DAB1: variants seen among roughly 807,000 people sequenced by gnomAD.
DAB1 encodes DAB adaptor protein 1.
DAB1 carries 15 observed loss-of-function variants against 64.6 expected under a neutral mutation model. The ratio of observed to expected loss-of-function variants is 0.23; its 90% CI spans 0.16 to 0.36. The LOEUF (loss-of-function observed/expected upper bound fraction) is 0.36. Ranked by LOEUF, DAB1 falls within the 10% of genes least tolerant of loss-of-function variation. The pLI is 1.00. For synonymous variants in DAB1, 235 were observed against 251.9 expected (o/e 0.93, Z 0.64); for missense variants, 596 against 706.7 (o/e 0.84, Z 1.78).
intron 2 of DAB1, among the ~76,000 whole-genome samples, chr1:57,275,468 G>A (rs2100607671): frequency 6.6e-6 from 1 of 152,276 alleles, no homozygotes; most frequent in African/African-American, 2.4e-5. Context: ...TTAGAAAAAT[G>A]TATTTTTAGC....
At chr1:57,297,425 C>T (rs1345637591) in intron 1 of DAB1, among the ~76,000 whole-genome samples, 1 of 151,954 alleles carries the variant, frequency 6.6e-6, no homozygotes, top group Non-Finnish European at 1.5e-5. Flanking sequence ...ACTAAATATT[C>T]AGGAGTAAAG....
intron 1 of DAB1, among the ~76,000 whole-genome samples, chr1:57,395,695 T>A (rs1236918495): frequency 6.6e-6 from 1 of 152,076 alleles, no homozygotes; most frequent in Non-Finnish European, 1.5e-5. Context: ...GCTGGACTTT[T>A]TAATTAATTT....
At chr1:57,738,565 G>C (rs3118037) in intron 6 of DAB1, among the ~76,000 whole-genome samples, 1 of 151,700 alleles carries the variant, frequency 6.6e-6, no homozygotes, top group African/African-American at 2.4e-5. Context: ...TTGTGTGTAA[G>C]TCTATCAGTC....
Position 57,669,927 on chromosome 1 carries a change from TA to T in DAB1, n.552-20263del, listed in dbSNP as rs376641729. 2.2e-3 allele frequency among the ~76,000 whole-genome samples: 328 copies of T among 152,308 alleles called. 4 individuals are homozygous for T. The highest frequency in any genetic ancestry group is 7.7e-3 in the African/African-American group (319 of 41,568). On this transcript the variant is annotated intron_variant and non_coding_transcript_variant, in intron 6 of 20. Coordinates refer to the DAB1 transcript ENST00000485760. ...CAGGATTTACTAGAACTGAAATCTT[TA>T]AGACAATCTTTGCTTCATAACAAAT...
chr1:57,347,409 T>G (rs1678201862), intron 1 of DAB1, among the ~76,000 whole-genome samples: 1 of 152,216 alleles, frequency 6.6e-6, no homozygotes, highest in Non-Finnish European at 1.5e-5. Flanking sequence ...ATTTCTATGA[T>G]CTCTTCCCGT....
chr1:57,931,663 T>A (rs1333598590), intron 5 of DAB1, among the ~76,000 whole-genome samples: 1 of 152,224 alleles, frequency 6.6e-6, no homozygotes, highest in Non-Finnish European at 1.5e-5. Context: ...TCTGTTGTTA[T>A]CCTTTTAATG....
At chr1:57,348,278 C>T (rs988743166) in intron 1 of DAB1, among the ~76,000 whole-genome samples, 6 of 152,124 alleles carry the variant, frequency 3.9e-5, no homozygotes, top group Non-Finnish European at 7.3e-5. Context: ...ACTGATAAAG[C>T]AAGTCCACTA....
intron 5 of DAB1, among the ~76,000 whole-genome samples, chr1:58,046,857 C>G (rs143847799): frequency 2.0e-4 from 30 of 152,232 alleles, no homozygotes; most frequent in African/African-American, 7.0e-4. Flanking sequence ...CTCTTTAAGT[C>G]CAGGGATACC....
At chr1:57,552,756 G>C (rs1429487685) in intron 7 of DAB1, among the ~76,000 whole-genome samples, 1 of 152,100 alleles carries the variant, frequency 6.6e-6, no homozygotes, top group Non-Finnish European at 1.5e-5. Flanking sequence ...CTTGGCTAGT[G>C]AGCAAGTACT....
chr1:58,413,812 G>A (rs1644692069), intron 3 of DAB1, among the ~76,000 whole-genome samples: 1 of 152,146 alleles, frequency 6.6e-6, no homozygotes, highest in Admixed American at 6.5e-5. Flanking sequence ...CTATTCCCTC[G>A]ACTATACAGA....
chr1:57,790,737 T>C (rs1029135082), intron 6 of DAB1, among the ~76,000 whole-genome samples: 1 of 152,190 alleles, frequency 6.6e-6, no homozygotes, highest in Non-Finnish European at 1.5e-5. Flanking sequence ...TATCTATCGC[T>C]AAAGAATGAG....
chr1:58,414,513 G>A (rs1644699440), intron 3 of DAB1, among the ~76,000 whole-genome samples: 1 of 152,148 alleles, frequency 6.6e-6, no homozygotes, highest in Non-Finnish European at 1.5e-5. Flanking sequence ...CCAATGCCTA[G>A]AATAATGCCT....
At chr1:58,320,439 C>G (rs1398182623) in intron 4 of DAB1, among the ~76,000 whole-genome samples, 1 of 152,170 alleles carries the variant, frequency 6.6e-6, no homozygotes, top group Non-Finnish European at 1.5e-5. Context: ...TTGAGGCAGG[C>G]ACTATCATTG....
chr1:57,168,035 G>A (rs1011870679), intron 2 of DAB1, among the ~76,000 whole-genome samples: 7 of 152,106 alleles, frequency 4.6e-5, no homozygotes, highest in African/African-American at 1.4e-4. Context: ...TGTAAAAGTT[G>A]CAGATAATAT....
chr1:57,513,583 G>A (rs1418587044), intron 7 of DAB1, among the ~76,000 whole-genome samples: 3 of 152,094 alleles, frequency 2.0e-5, no homozygotes, highest in Non-Finnish European at 2.9e-5. Flanking sequence ...TAAAAATTGC[G>A]TATATTTATG....
intron 1 of DAB1, among the ~76,000 whole-genome samples, chr1:58,535,284 A>G (rs986421132): frequency 6.6e-6 from 1 of 152,194 alleles, no homozygotes; most frequent in East Asian, 1.9e-4. Flanking sequence ...TAACTTTCAT[A>G]AAGTGTATGC....
At chr1:58,403,026 G>A (rs1249906777) in intron 3 of DAB1, among the ~76,000 whole-genome samples, 2 of 152,164 alleles carry the variant, frequency 1.3e-5, no homozygotes. Context: ...ATATGACTCT[G>A]CTAAACCAGT....
At chr1:57,129,823 T>C (rs928042201) in intron 4 of DAB1, among the ~76,000 whole-genome samples, 24 of 152,236 alleles carry the variant, frequency 1.6e-4, no homozygotes, top group African/African-American at 5.8e-4. Context: ...CTTTGGTATA[T>C]AGCATCTTGG....
intron 5 of DAB1, among the ~76,000 whole-genome samples, chr1:57,933,421 T>C (rs558900937): frequency 7.0e-6 from 1 of 142,840 alleles, no homozygotes; most frequent in East Asian, 2.0e-4. Context: ...AAACCAGAAG[T>C]CTCCTTTTTT....
Sources: gnomAD v4.1 joint callset for allele counts (sites outside exome capture counted in the v4.1 genomes callset) on GRCh38, gnomAD v4.1.1 for gene constraint, MANE v1.5 for transcripts, NCBI Gene and HGNC (gene_info 2026-07-23, HGNC 2026-07-21) for gene names.